The following ATF3 variants were observed in gnomAD, a reference collection of about 807,000 sequenced individuals.
ATF3 encodes activating transcription factor 3, also known as cyclic AMP-dependent transcription factor ATF-3.
Under a neutral mutation model 18.4 loss-of-function variants are expected in ATF3, and 10 were observed. That is an observed-to-expected ratio of 0.54 (90% CI 0.34 to 0.92). ATF3 has a LOEUF of 0.92. ATF3 is among the 40% of genes least tolerant of loss of function. ATF3 has a pLI of 0.02. For missense variants in ATF3, 183 were observed against 222.3 expected, an observed-to-expected ratio of 0.82 and a Z score of 1.12; for synonymous variants, 78 against 87.9, an observed-to-expected ratio of 0.89 and a Z score of 0.63.
chr1:212,571,077 C>T (rs914990979), intron 1 of ATF3, among the ~76,000 whole-genome samples: 1 of 152,186 alleles, frequency 6.6e-6, no homozygotes, highest in Admixed American at 6.5e-5. Flanking sequence ...TGTACACTCC[C>T]ACCAACAATG....
chr1:212,620,365 T>A lies in ATF3; in HGVS notation c.*810T>A, dbSNP rs571608933. The A allele has an allele frequency of 6.5e-6, 1 of 152,808 alleles. No homozygotes were observed. Among genetic ancestry groups the A allele is most frequent in the Non-Finnish European group, 1.5e-5 (1 of 68,048 alleles). 9.5% of individuals were successfully genotyped at this position (152,808 alleles called of 1,614,324 possible). On this transcript the variant is annotated 3_prime_UTR_variant, in exon 4 of 4. Coordinates refer to ENST00000341491, the MANE Select transcript of ATF3 (RefSeq NM_001674.4). ...CAAAGGGTTAGGACTCTCCACTCAA[T>A]GTCTTAGGTCAGGAGTTGTGTCTAG...
chr1:212,574,465 C>T (rs749023992), intron 1 of ATF3, among the ~76,000 whole-genome samples: 20 of 151,906 alleles, frequency 1.3e-4, no homozygotes, highest in Non-Finnish European at 2.2e-4. Context: ...ATGCTTTCTC[C>T]TGTTCTATAA....
chr1:212,619,048 C>T lies in ATF3; in HGVS notation c.349-310C>T, dbSNP rs1655254031. 2 of 1,614,194 alleles carry T rather than the reference C, an allele frequency of 1.2e-6. No homozygotes were observed. Among genetic ancestry groups the T allele is most frequent in the African/African-American group, 1.3e-5 (1 of 75,050 alleles). On this transcript the variant is annotated intron_variant, in intron 3 of 3. Coordinates refer to ENST00000341491, the MANE Select transcript of ATF3 (RefSeq NM_001674.4). This position sits in a 1 kb window ranked among gnomAD's most constrained non-coding sequence, Gnocchi z 4.4. ...CATAAGTCTGGATTTCTCCCCAGCTCCCAAGGCCCTTTTGGGTCCAGAAGA... is the reference window on the plus strand; with the variant it reads ...CATAAGTCTGGATTTCTCCCCAGCTTCCAAGGCCCTTTTGGGTCCAGAAGA...
rs760944871 is a variant in ATF3 at position 212,618,255 on chromosome 1, C to G, written c.348+21C>G. 1 of 1,609,578 alleles carries G rather than the reference C, an allele frequency of 6.2e-7. No individual in the cohort carries two copies. Among genetic ancestry groups the G allele is most frequent in the South Asian group, 1.1e-5 (1 of 90,988 alleles). On this transcript the variant is annotated intron_variant, in intron 3 of 3. Coordinates refer to ENST00000341491, the MANE Select transcript of ATF3 (RefSeq NM_001674.4). The surrounding 1 kb of genome is among the most constrained non-coding windows in gnomAD (Gnocchi z 4.4). ...AGAAAGTGAGTGCCTTCTAGCCTTA[C>G]CCTTCCTCTCGCTCACGCCTGTCTT...
intron 1 of ATF3, among the ~76,000 whole-genome samples, chr1:212,584,415 G>C (rs1461788944): frequency 6.6e-6 from 1 of 152,148 alleles, no homozygotes; most frequent in African/African-American, 2.4e-5. Context: ...CAATGGTGCA[G>C]TTCCAGTCTG....
intron 2 of ATF3, among the ~76,000 whole-genome samples, chr1:212,616,877 G>C (rs899174454): frequency 2.0e-5 from 3 of 152,150 alleles, no homozygotes; most frequent in Non-Finnish European, 4.4e-5. Context: ...TAAGAATGGA[G>C]CGTCCATTTG....
intron 1 of ATF3, among the ~76,000 whole-genome samples, chr1:212,566,330 C>T (rs747437872): frequency 2.0e-5 from 3 of 152,118 alleles, no homozygotes; most frequent in Non-Finnish European, 4.4e-5. Context: ...AGAAAGGGCA[C>T]AAGTTTGAGT....
chr1:212,601,495 G>A (rs919976860), intron 1 of ATF3, among the ~76,000 whole-genome samples: 1 of 152,182 alleles, frequency 6.6e-6, no homozygotes, highest in African/African-American at 2.4e-5. Flanking sequence ...GGACAGTATC[G>A]CTTAATGTAA....
upstream of ATF3, among the ~76,000 whole-genome samples, chr1:212,605,753 G>A (rs1286937474): frequency 6.6e-6 from 1 of 151,808 alleles, no homozygotes; most frequent in Non-Finnish European, 1.5e-5. Flanking sequence ...CCTTCCTTTT[G>A]CACATGTCCC....
chr1:212,610,215 A>G (rs1654839909), intron 1 of ATF3, among the ~76,000 whole-genome samples: 1 of 152,148 alleles, frequency 6.6e-6, no homozygotes, highest in Admixed American at 6.5e-5. Context: ...TTCATTGCAT[A>G]GGTCACATAT....
intron 2 of ATF3, among the ~76,000 whole-genome samples, chr1:212,616,995 T>C (rs1469172668): frequency 6.6e-6 from 1 of 151,908 alleles, no homozygotes; most frequent in African/African-American, 2.4e-5. Flanking sequence ...GATATGTGAG[T>C]CTGGAGTTCA....
At chr1:212,617,490 C>G (rs534587465) in intron 2 of ATF3, among the ~76,000 whole-genome samples, 8 of 152,328 alleles carry the variant, frequency 5.3e-5, no homozygotes, top group African/African-American at 1.9e-4. Context: ...AGTAGTGGGA[C>G]TGACCTAAAA....
At chr1:212,608,622 C>G (rs1055558172), upstream of ATF3, 2 of 152,690 alleles carry the variant, frequency 1.3e-5, no homozygotes, top group African/African-American at 2.4e-5. Context: ...CCTCCACCCC[C>G]CTTCCTCCGC....
Position 212,618,908 on chromosome 1 carries a change from T to C in ATF3, c.349-450T>C, listed in dbSNP as rs1655247846. ...GTCCCACAGATCCCCAAAAGTTCTG[T>C]TGATTGCTTCAGGGGATCAGTGAAA... On this transcript the variant is annotated intron_variant, in intron 3 of 3. Transcript: ENST00000341491. The surrounding 1 kb of genome is among the most constrained non-coding windows in gnomAD (Gnocchi z 4.4). The C allele has an allele frequency of 4.4e-6, 5 of 1,127,162 alleles. No individual in the cohort carries two copies. The East Asian group carries it at 7.6e-5, about 17-fold the overall frequency. 69.8% of individuals were successfully genotyped at this position (1,127,162 alleles called of 1,614,324 possible).
intron 1 of ATF3, among the ~76,000 whole-genome samples, chr1:212,603,153 G>C (rs1571777593): frequency 6.6e-6 from 1 of 152,154 alleles, no homozygotes; most frequent in Non-Finnish European, 1.5e-5. Context: ...CAGCTACCTG[G>C]TAGCCACTCA....
In ATF3 at chr1:212,619,629, G is replaced by A; in HGVS notation, c.*74G>A. 1 of 1,568,246 alleles carries A rather than the reference G, an allele frequency of 6.4e-7. No homozygotes were observed. Among genetic ancestry groups the A allele is most frequent in the Non-Finnish European group, 8.7e-7 (1 of 1,152,896 alleles). On this transcript the variant is annotated 3_prime_UTR_variant, in exon 4 of 4. Transcript: ENST00000341491. The surrounding 1 kb of genome is among the most constrained non-coding windows in gnomAD (Gnocchi z 4.4). ...TTATACCCAAAACCCTGAAGCCATT[G>A]GAGAGCTGTCTTCCTGTGTACCTCT... is the stretch of plus-strand genomic sequence containing the variant.
intron 2 of ATF3, among the ~76,000 whole-genome samples, chr1:212,617,572 G>C (rs893281856): frequency 6.6e-6 from 1 of 152,170 alleles, no homozygotes; most frequent in South Asian, 2.1e-4. Context: ...GTTGGGAATG[G>C]GCTTAGGTGC....
rs748753911 is a variant in ATF3 at position 212,615,165 on chromosome 1, C to T, written c.144C>T (p.Ala48=). ...TPFVKEELRF[A]IQNKHLCHRM... ...TTGTCAAGGAAGAGCTGAGGTTTGCCATCCAGAACAAGCACCTCTGCCACC... is the reference window on the plus strand; with the variant it reads ...TTGTCAAGGAAGAGCTGAGGTTTGCTATCCAGAACAAGCACCTCTGCCACC... Residue 48 remains alanine (A), a synonymous_variant, in exon 2 of 4, where the codon GCC becomes GCT. Transcript: ENST00000341491. 11 of 1,614,190 alleles carry T rather than the reference C, an allele frequency of 6.8e-6. No homozygotes were observed. The highest frequency in any genetic ancestry group is 9.3e-6 in the Non-Finnish European group (11 of 1,180,044).
intron 1 of ATF3, among the ~76,000 whole-genome samples, chr1:212,595,114 G>T (rs1401185142): frequency 6.6e-6 from 1 of 152,138 alleles, no homozygotes; most frequent in Non-Finnish European, 1.5e-5. Flanking sequence ...GAGCAAAATA[G>T]GATACCCACT....
Sources: gnomAD v4.1 joint callset for allele counts (sites outside exome capture counted in the v4.1 genomes callset) on GRCh38, gnomAD v4.1.1 for gene constraint, Gnocchi (gnomAD v3.1) non-coding constraint, MANE v1.5 for transcripts, NCBI Gene and HGNC (gene_info 2026-07-23, HGNC 2026-07-21) for gene names.